Variants in SLC29A1 observed in about 807,000 individuals in gnomAD.
The protein encoded by SLC29A1 is solute carrier family 29 member 1 (Augustine blood group).
Under a neutral mutation model 48.3 loss-of-function variants are expected in SLC29A1, and 22 were observed. The ratio of observed to expected loss-of-function variants is 0.46; its 90% CI spans 0.33 to 0.65. SLC29A1 has a LOEUF of 0.65. Ranked by LOEUF, SLC29A1 falls within the 30% of genes least tolerant of loss-of-function variation. The pLI, the probability that SLC29A1 is intolerant of heterozygous loss-of-function variation, is 0.03. For synonymous variants in SLC29A1, 228 were observed against 231.0 expected (o/e 0.99, Z 0.12); for missense variants, 491 against 575.3 (o/e 0.85, Z 1.50).
In SLC29A1 at chr6:44,232,149, T is replaced by A; in HGVS notation, c.973+43T>A. ...TTCCAGGATGGGAACAGACAGGATC[T>A]TGAGTTGGGCTGGAAGTGGGGAAGG... is the stretch of plus-strand genomic sequence containing the variant. On this transcript the variant is annotated intron_variant, in intron 10 of 12. Coordinates refer to ENST00000371755, the MANE Select transcript of SLC29A1 (RefSeq NM_001372327.1). The surrounding 1 kb of genome is among the most constrained non-coding windows in gnomAD (Gnocchi z 4.7). 2 of 1,495,782 alleles carry A rather than the reference T, an allele frequency of 1.3e-6. No homozygotes were observed. The highest frequency in any genetic ancestry group is 1.9e-6 in the Non-Finnish European group (2 of 1,072,490). The allele number at this position is 1,495,782 out of a possible 1,614,324, so 92.7% of individuals were successfully genotyped here.
Position 44,232,138 on chromosome 6 carries a change from C to A in SLC29A1, c.973+32C>A. ...ATGCCACAGGTTTCCAGGATGGGAA[C>A]AGACAGGATCTTGAGTTGGGCTGGA... On this transcript the variant is annotated intron_variant, in intron 10 of 12. Coordinates refer to ENST00000371755, the MANE Select transcript of SLC29A1 (RefSeq NM_001372327.1). The surrounding 1 kb of genome is among the most constrained non-coding windows in gnomAD (Gnocchi z 4.7). 6.5e-7 allele frequency: 1 copy of A among 1,526,886 alleles called. No homozygotes were observed. 94.6% of individuals were successfully genotyped at this position (1,526,886 alleles called of 1,614,324 possible). A position where few individuals can be genotyped will look rare whatever the true frequency, so the allele number is the denominator to read the frequency against.
At chr6:44,221,468 G>T (rs1395091021), upstream of SLC29A1, 12 of 402,680 alleles carry the variant, frequency 3.0e-5, no homozygotes, top group Non-Finnish European at 4.8e-5. The surrounding 1 kb of genome is among the most constrained non-coding windows in gnomAD (Gnocchi z 4.2). Flanking sequence ...GGCATGCATG[G>T]GGCCTGCCAA....
upstream of SLC29A1, chr6:44,219,882 G>A (rs1469621483): frequency 1.3e-6 from 1 of 786,372 alleles, no homozygotes; most frequent in Non-Finnish European, 1.8e-6. Flanking sequence ...GGCCAGTAGG[G>A]GGACCCGCTG....
At chr6:44,221,654 G>C (rs1364547066), upstream of SLC29A1, 1 of 1,289,698 alleles carries the variant, frequency 7.8e-7, no homozygotes, top group Admixed American at 2.3e-5. This position sits in a 1 kb window ranked among gnomAD's most constrained non-coding sequence, Gnocchi z 4.2. Context: ...AGCTGGCAAG[G>C]CCTGGCTAGA....
chr6:44,232,758 T>C lies in SLC29A1; in HGVS notation c.1060-49T>C. 6.3e-7 allele frequency: 1 copy of C among 1,574,962 alleles called. No homozygotes were observed. Among genetic ancestry groups the C allele is most frequent in the Non-Finnish European group, 8.6e-7 (1 of 1,157,286 alleles). ...CCAGATGGATCCTTGGGGGCCTGGC[T>C]GTGCCCTGGGGTGGCGGCCTGGGCT... On this transcript the variant is annotated intron_variant, in intron 11 of 12. Coordinates refer to ENST00000371755, the MANE Select transcript of SLC29A1 (RefSeq NM_001372327.1). The surrounding 1 kb of genome is among the most constrained non-coding windows in gnomAD (Gnocchi z 4.7).
chr6:44,220,992 G>A (rs1040582105), upstream of SLC29A1, among the ~76,000 whole-genome samples: 4 of 152,162 alleles, frequency 2.6e-5, no homozygotes, highest in African/African-American at 4.8e-5. Context: ...TGAACCTCCG[G>A]CCTCAGCCTC....
chr6:44,223,514 G>C (rs558204116), upstream of SLC29A1: 96 of 1,077,694 alleles, frequency 8.9e-5, no homozygotes, highest in South Asian at 1.6e-3. This position sits in a 1 kb window ranked among gnomAD's most constrained non-coding sequence, Gnocchi z 5.0. Flanking sequence ...GCGGGCGTCG[G>C]GGAGGTGGCA....
At chr6:44,231,879 C>T in intron 9 of SLC29A1, 119 bp from the exon 10 acceptor site, 2 of 708,132 alleles carry the variant, frequency 2.8e-6, no homozygotes, top group East Asian at 2.9e-5. Flanking sequence ...CCACCTCGGC[C>T]TCCCAAAGTG....
upstream of SLC29A1, chr6:44,221,480 T>C (rs1248661388): frequency 9.1e-6 from 4 of 440,474 alleles, no homozygotes; most frequent in African/African-American, 4.1e-5. The surrounding 1 kb of genome is among the most constrained non-coding windows in gnomAD (Gnocchi z 4.2). Flanking sequence ...GCCTGCCAAG[T>C]TGGGGAGGGA....
chr6:44,222,158 G>A (rs1194410634), upstream of SLC29A1, among the ~76,000 whole-genome samples: 2 of 151,916 alleles, frequency 1.3e-5, no homozygotes, highest in Non-Finnish European at 2.9e-5. Context: ...AGGGGGTTGT[G>A]GACAGACATG....
chr6:44,229,532 CTG>C lies in SLC29A1; in HGVS notation c.112-54_112-53del, dbSNP rs1046961919. ...CCCACTGTGCTTGCAGGATCTGACT[CTG>C]TGCTGGTAGGCACAGGGAAAGAGAT... On this transcript the variant is annotated intron_variant, in intron 3 of 12. Coordinates refer to ENST00000371755, the MANE Select transcript of SLC29A1 (RefSeq NM_001372327.1). The surrounding 1 kb of genome is among the most constrained non-coding windows in gnomAD (Gnocchi z 5.1). The C allele has an allele frequency of 3.1e-6, 5 of 1,610,430 alleles. No individual in the cohort carries two copies. Among genetic ancestry groups the C allele is most frequent in the Non-Finnish European group, 2.5e-6 (3 of 1,176,722 alleles).
At chr6:44,219,742 TC>T, upstream of SLC29A1, 11 of 1,284,916 alleles carry the variant, frequency 8.6e-6, no homozygotes, top group Non-Finnish European at 1.1e-5. Flanking sequence ...GGAATTTCCG[TC>T]CCCCACCAAG....
upstream of SLC29A1, chr6:44,221,725 G>T: frequency 9.2e-7 from 1 of 1,087,824 alleles, no homozygotes; most frequent in Non-Finnish European, 1.2e-6. The surrounding 1 kb of genome is among the most constrained non-coding windows in gnomAD (Gnocchi z 4.2). Context: ...GGGGGCCCTG[G>T]CACCCAGCAA....
rs1779384908 is a variant in SLC29A1 at position 44,233,729 on chromosome 6, TCA to T, written c.*202_*203del. On this transcript the variant is annotated 3_prime_UTR_variant, in exon 13 of 13. Transcript: ENST00000371755. ...AGTGGGGACATTGTGGGTTTGGGGCTCAGAGTCGAGGGACGGGGTGTAGCCTC... is the reference window on the plus strand; with the variant it reads ...AGTGGGGACATTGTGGGTTTGGGGCTGAGTCGAGGGACGGGGTGTAGCCTC... The T allele has an allele frequency of 1.7e-6, 1 of 590,902 alleles. No homozygotes were observed. Among genetic ancestry groups the T allele is most frequent in the East Asian group, 2.8e-5 (1 of 35,494 alleles). The allele number at this position is 590,902 out of a possible 1,614,324, so 36.6% of individuals were successfully genotyped here. A position where few individuals can be genotyped will look rare whatever the true frequency, so the allele number is the denominator to read the frequency against.
At position 44,232,148 on chromosome 6, in the gene SLC29A1, C is replaced by G. The variant is rs868326634; in HGVS notation, c.973+42C>G. 2 of 1,494,790 alleles carry G rather than the reference C, an allele frequency of 1.3e-6. No individual in the cohort carries two copies. Among genetic ancestry groups the G allele is most frequent in the Middle Eastern group, 3.4e-4 (2 of 5,842 alleles). 92.6% of individuals were successfully genotyped at this position (1,494,790 alleles called of 1,614,324 possible). On this transcript the variant is annotated intron_variant, in intron 10 of 12. Coordinates refer to ENST00000371755, the MANE Select transcript of SLC29A1 (RefSeq NM_001372327.1). This position sits in a 1 kb window ranked among gnomAD's most constrained non-coding sequence, Gnocchi z 4.7. Reference sequence around the variant, plus strand: ...TTTCCAGGATGGGAACAGACAGGATCTTGAGTTGGGCTGGAAGTGGGGAAG... The same window carrying G: ...TTTCCAGGATGGGAACAGACAGGATGTTGAGTTGGGCTGGAAGTGGGGAAG...
At chr6:44,231,548 C>T in intron 9 of SLC29A1, 87 bp downstream of exon 9, 4 of 842,230 alleles carry the variant, frequency 4.7e-6, no homozygotes, top group Non-Finnish European at 8.0e-6. Flanking sequence ...CATCTCCTCC[C>T]TTTCTGACCT....
At position 44,231,968 on chromosome 6, in the gene SLC29A1, C is replaced by A. The variant is rs768702675; in HGVS notation, c.865-30C>A. The A allele has an allele frequency of 3.4e-6, 5 of 1,486,814 alleles. No individual in the cohort carries two copies. In the South Asian group the frequency reaches 3.4e-5, roughly 10 times the overall value. The allele number at this position is 1,486,814 out of a possible 1,614,324, so 92.1% of individuals were successfully genotyped here. A position where few individuals can be genotyped will look rare whatever the true frequency, so the allele number is the denominator to read the frequency against. ...TGCACAGCCACCATGAAGACACAGG[C>A]ATTTGGGTGACTCTACCCCTTCTAT... On this transcript the variant is annotated intron_variant, in intron 9 of 12. Coordinates refer to ENST00000371755, the MANE Select transcript of SLC29A1 (RefSeq NM_001372327.1).
rs1196291429 is a variant in SLC29A1 at position 44,229,698 on chromosome 6, A to C, written c.221A>C (p.Asn74Thr). ...CCTGCAGCACCCTTGCCTGAGCGGA[A>C]CTCTCTCAGTGCCATCTTCAACAAT... Reference protein sequence around the residue: ...AAPAAPLPERNSLSAIFNNVM... With the variant: ...AAPAAPLPERTSLSAIFNNVM... The change falls in exon 4 of 13, where the codon AAC becomes ACC. Residue 74 changes from asparagine to threonine, a missense_variant. By Grantham distance (65) the Asn-to-Thr change is moderately conservative (BLOSUM62 0). Coordinates refer to ENST00000371755, the MANE Select transcript of SLC29A1 (RefSeq NM_001372327.1). This position sits in a 1 kb window ranked among gnomAD's most constrained non-coding sequence, Gnocchi z 5.1. The C allele has an allele frequency of 6.2e-7, 1 of 1,613,740 alleles. No individual in the cohort carries two copies. Among genetic ancestry groups the C allele is most frequent in the Non-Finnish European group, 8.5e-7 (1 of 1,179,982 alleles).
chr6:44,233,265 A>AAGCCAGGTTGGGGTTAGGC, intron 12 of SLC29A1, 152 bp from the exon 13 acceptor site: 1 of 760,294 alleles, frequency 1.3e-6, no homozygotes, highest in Non-Finnish European at 2.3e-6. Flanking sequence ...CAAGGAGGAG[A>AAGCCAGGTTGGGGTTAGGC]AGCCAGGTTG....
Sources: gnomAD v4.1 joint callset for allele counts (sites outside exome capture counted in the v4.1 genomes callset) on GRCh38, gnomAD v4.1.1 for gene constraint, Gnocchi (gnomAD v3.1) non-coding constraint, MANE v1.5 for transcripts, NCBI Gene and HGNC (gene_info 2026-07-23, HGNC 2026-07-21) for gene names.